DPP10: variants seen among roughly 807,000 people sequenced by gnomAD.
The protein encoded by DPP10 is inactive dipeptidyl peptidase 10.
A neutral mutation model predicts 120.9 loss-of-function variants in DPP10; 33 were observed. That is an observed-to-expected ratio of 0.27 (90% CI 0.21 to 0.37). The LOEUF (loss-of-function observed/expected upper bound fraction) is 0.37. Among genes scored for constraint, DPP10 ranks in the 10% least tolerant of loss-of-function variants. DPP10 has a pLI of 1.00. For missense variants in DPP10, 816 were observed against 942.8 expected, an observed-to-expected ratio of 0.87 and a Z score of 1.76; for synonymous variants, 337 against 326.1, an observed-to-expected ratio of 1.03 and a Z score of -0.36.
chr2:115,165,261 T>A (rs2052749336), intron 1 of DPP10, among the ~76,000 whole-genome samples: 1 of 152,228 alleles, frequency 6.6e-6, no homozygotes, highest in Admixed American at 6.5e-5. Flanking sequence ...CCTGTTTTTA[T>A]TCCTATTTTA....
intron 1 of DPP10, among the ~76,000 whole-genome samples, chr2:114,859,185 G>GAACA (rs780744732): frequency 6.6e-6 from 1 of 151,122 alleles, no homozygotes; most frequent in Non-Finnish European, 1.5e-5. Flanking sequence ...AAGAAAAAAA[G>GAACA]AACAAACAAA....
chr2:115,609,631 A>C (rs1424863758), intron 5 of DPP10, among the ~76,000 whole-genome samples: 2 of 152,160 alleles, frequency 1.3e-5, no homozygotes, highest in African/African-American at 2.4e-5. Context: ...CTAAAATACC[A>C]GACCCTACTG....
At chr2:115,364,157 T>C (rs1486424555) in intron 3 of DPP10, among the ~76,000 whole-genome samples, 1 of 152,162 alleles carries the variant, frequency 6.6e-6, no homozygotes, top group Non-Finnish European at 1.5e-5. Flanking sequence ...GCTTTTTTTT[T>C]CTTTGTTTTG....
intron 1 of DPP10, among the ~76,000 whole-genome samples, chr2:114,947,991 A>G (rs1697493648): frequency 6.6e-6 from 1 of 152,024 alleles, no homozygotes; most frequent in African/African-American, 2.4e-5. Context: ...TTTAGTTTTA[A>G]AAAATTATTG....
chr2:115,332,036 T>C (rs2062778980), intron 2 of DPP10, among the ~76,000 whole-genome samples: 1 of 152,190 alleles, frequency 6.6e-6, no homozygotes, highest in Non-Finnish European at 1.5e-5. Context: ...AGAATTCAGC[T>C]GTGAATCCAT....
intron 1 of DPP10, among the ~76,000 whole-genome samples, chr2:114,791,824 G>A (rs1683269737): frequency 6.6e-6 from 1 of 152,160 alleles, no homozygotes; most frequent in Non-Finnish European, 1.5e-5. Flanking sequence ...AATGGAAAAT[G>A]CAAACACGTT....
rs898654887 is a variant in DPP10 at position 115,239,607 on chromosome 2, C to CT, written c.61-69624dup. On this transcript the variant is annotated intron_variant, in intron 1 of 25. Coordinates refer to ENST00000410059, the MANE Select transcript of DPP10 (RefSeq NM_020868.6). ...AGACCACAGTATAATATAAACATAACTTTTTTTTATTATACTTTAAGTTCT... is the reference window on the plus strand; with the variant it reads ...AGACCACAGTATAATATAAACATAACTTTTTTTTTATTATACTTTAAGTTCT... Among the ~76,000 whole-genome samples, 51 of 152,076 alleles carry CT rather than the reference C, an allele frequency of 3.4e-4. 1 individual carries two copies. Among genetic ancestry groups the CT allele is most frequent in the Admixed American group, 3.0e-3 (45 of 15,252 alleles).
chr2:114,776,892 G>T (rs1237395984), intron 1 of DPP10, among the ~76,000 whole-genome samples: 1 of 151,878 alleles, frequency 6.6e-6, no homozygotes, highest in South Asian at 2.1e-4. Flanking sequence ...GATAATGGTA[G>T]CCAAAAAGAC....
chr2:115,288,852 A>T (rs12463715), intron 1 of DPP10, among the ~76,000 whole-genome samples: 61,564 of 151,970 alleles, frequency 0.41, 15,184 homozygotes, highest in Non-Finnish European at 0.55. Flanking sequence ...GAATGGGGAA[A>T]AGTTGAAAGC....
intron 3 of DPP10, among the ~76,000 whole-genome samples, chr2:115,383,126 A>C (rs1368451703): frequency 2.6e-5 from 4 of 152,244 alleles, no homozygotes; most frequent in African/African-American, 9.6e-5. Context: ...TTTTCAGATT[A>C]AAGAATCACA....
chr2:114,782,184 T>C lies in DPP10; in HGVS notation c.60+339346T>C, dbSNP rs556722528. 2.0e-5 allele frequency among the ~76,000 whole-genome samples: 3 copies of C among 152,052 alleles called. No individual in the cohort carries two copies. The East Asian group carries it at 5.8e-4, about 29-fold the overall frequency. On this transcript the variant is annotated intron_variant, in intron 1 of 25. Transcript: ENST00000410059. ...ATATTTTTTAATGGAATCTTCATAC[T>C]AGTCATGAGAATGGATAGTCTTCTA... is the stretch of plus-strand genomic sequence containing the variant.
chr2:115,259,786 TA>T (rs2059168963), intron 1 of DPP10, among the ~76,000 whole-genome samples: 1 of 152,102 alleles, frequency 6.6e-6, no homozygotes, highest in Non-Finnish European at 1.5e-5. Flanking sequence ...ATGATGATAT[TA>T]AAAATACACA....
chr2:115,117,899 TA>T (rs2049604913), intron 1 of DPP10, among the ~76,000 whole-genome samples: 1 of 152,208 alleles, frequency 6.6e-6, no homozygotes, highest in African/African-American at 2.4e-5. Context: ...AGAGTAATCA[TA>T]TTGTGGAGAG....
chr2:115,705,607 A>G (rs541864573), intron 7 of DPP10, among the ~76,000 whole-genome samples: 2 of 152,034 alleles, frequency 1.3e-5, no homozygotes, highest in East Asian at 3.9e-4. Flanking sequence ...ATGCAGGGAA[A>G]CCACTAGGGA....
intron 12 of DPP10, among the ~76,000 whole-genome samples, chr2:115,767,965 T>G (rs546454373): frequency 6.6e-6 from 1 of 152,244 alleles, no homozygotes; most frequent in Admixed American, 6.6e-5. Flanking sequence ...TGAAGGATAT[T>G]TCACTAAACA....
intron 7 of DPP10, among the ~76,000 whole-genome samples, chr2:115,711,675 C>T (rs1480347312): frequency 1.3e-5 from 2 of 151,750 alleles, no homozygotes; most frequent in South Asian, 2.1e-4. Flanking sequence ...GTGAGGAGGC[C>T]GAGAAGATAA....
chr2:115,205,569 C>T (rs777712053), intron 1 of DPP10, among the ~76,000 whole-genome samples: 12 of 152,056 alleles, frequency 7.9e-5, no homozygotes, highest in African/African-American at 1.2e-4. Flanking sequence ...CAAAAAGACA[C>T]GTGCATATGT....
intron 1 of DPP10, among the ~76,000 whole-genome samples, chr2:114,982,182 A>G (rs1028641359): frequency 6.6e-6 from 1 of 152,204 alleles, no homozygotes; most frequent in Non-Finnish European, 1.5e-5. Context: ...AACACTTTCA[A>G]TAATATGCAG....
intron 1 of DPP10, among the ~76,000 whole-genome samples, chr2:114,527,140 A>G (rs559700179): frequency 6.6e-6 from 1 of 152,306 alleles, no homozygotes; most frequent in South Asian, 2.1e-4. Flanking sequence ...AGAATGAGAT[A>G]TAATTATGGT....
Sources: allele counts gnomAD v4.1 joint callset (sites outside exome capture counted in the v4.1 genomes callset), GRCh38; gene constraint gnomAD v4.1.1; transcripts MANE v1.5; gene names NCBI Gene and HGNC (gene_info 2026-07-23, HGNC 2026-07-21).